Variants in IL1RAPL1 observed in about 807,000 individuals in gnomAD.
IL1RAPL1 encodes interleukin 1 receptor accessory protein like 1.
A neutral mutation model predicts 48.4 loss-of-function variants in IL1RAPL1; 3 were observed. That is an observed-to-expected ratio of 0.06 (90% confidence interval 0.03 to 0.16). The LOEUF is 0.16. Ranked by LOEUF, IL1RAPL1 falls within the 10% of genes least tolerant of loss-of-function variation. The pLI is 1.00. For missense variants in IL1RAPL1, 349 were observed against 530.6 expected (o/e 0.66, Z 3.36); for synonymous variants, 185 against 187.7 (o/e 0.99, Z 0.12).
chrX:29,633,478 C>T (rs1466620248), intron 5 of IL1RAPL1, among the ~76,000 whole-genome samples: 3 of 107,813 alleles, frequency 2.8e-5, no homozygotes, highest in African/African-American at 1.0e-4. Flanking sequence ...TACACACACA[C>T]ACACACACAC....
At chrX:29,098,229 T>G (rs963278082) in intron 2 of IL1RAPL1, among the ~76,000 whole-genome samples, 1 of 111,267 alleles carries the variant, frequency 9.0e-6, no homozygotes, top group Non-Finnish European at 1.9e-5. Flanking sequence ...GCTCTATTCC[T>G]TTTGATGTCC....
intron 2 of IL1RAPL1, among the ~76,000 whole-genome samples, chrX:28,872,806 G>C (rs904604035): frequency 8.9e-6 from 1 of 112,259 alleles, no homozygotes; most frequent in Admixed American, 9.4e-5. Flanking sequence ...TTTTGTAGTA[G>C]AGACTTTGGG....
intron 8 of IL1RAPL1, among the ~76,000 whole-genome samples, chrX:29,927,287 G>C (rs1288757243): frequency 8.9e-6 from 1 of 112,229 alleles, no homozygotes; most frequent in African/African-American, 3.2e-5. Flanking sequence ...GCCTCTAATA[G>C]GTAAAGAGAA....
At chrX:29,090,018 G>A (rs760479444) in intron 2 of IL1RAPL1, among the ~76,000 whole-genome samples, 280 of 106,604 alleles carry the variant, frequency 2.6e-3, no homozygotes, top group African/African-American at 9.2e-3. Flanking sequence ...GGTGTCAACA[G>A]AACCGGTCAC....
At chrX:28,898,293 T>A (rs1264763709) in intron 2 of IL1RAPL1, among the ~76,000 whole-genome samples, 4 of 112,021 alleles carry the variant, frequency 3.6e-5, no homozygotes, top group Non-Finnish European at 7.5e-5. Context: ...ATATATCTAT[T>A]TTTTGTCTTT....
rs749183446 is a variant in IL1RAPL1, at chrX:29,906,291, C to T, written c.779-11173C>T. ...CGGAGCTTGCAGTGAGCCCAGATCG[C>T]GCCACTGCACTCCAGCCTGGGTGAT... is the stretch of plus-strand genomic sequence containing the variant. On this transcript the variant is annotated intron_variant, in intron 6 of 10. Coordinates refer to ENST00000378993, the MANE Select transcript of IL1RAPL1 (RefSeq NM_014271.4). 4.7e-3 allele frequency among the ~76,000 whole-genome samples: 478 copies of T among 101,236 alleles called. 5 individuals carry two copies. The highest frequency in any genetic ancestry group is 0.017 in the African/African-American group (461 of 27,730). The allele number at this position is 101,236 out of a possible 115,157, so 87.9% of individuals were successfully genotyped here.
intron 1 of IL1RAPL1, among the ~76,000 whole-genome samples, chrX:28,651,629 A>G (rs968247157): frequency 3.6e-5 from 4 of 112,405 alleles, no homozygotes; most frequent in African/African-American, 1.3e-4. Context: ...CTATGTTATA[A>G]AATCGATTTA....
chrX:29,045,471 AAC>A (rs1235660871), intron 2 of IL1RAPL1, among the ~76,000 whole-genome samples: 1 of 111,556 alleles, frequency 9.0e-6, no homozygotes, highest in East Asian at 2.8e-4. Context: ...TTCATTTGGA[AAC>A]ACATTTTTTT....
intron 2 of IL1RAPL1, among the ~76,000 whole-genome samples, chrX:28,838,997 A>G (rs1338744603): frequency 9.0e-6 from 1 of 111,300 alleles, no homozygotes; most frequent in Non-Finnish European, 1.9e-5. Flanking sequence ...ATGGCACTAC[A>G]TAATCCTGCA....
At chrX:28,627,862 C>G (rs1601839353) in intron 1 of IL1RAPL1, among the ~76,000 whole-genome samples, 1 of 104,990 alleles carries the variant, frequency 9.5e-6, no homozygotes, top group African/African-American at 3.4e-5. Flanking sequence ...CATTTTCTTT[C>G]TTTTTTTTTT....
intron 3 of IL1RAPL1, among the ~76,000 whole-genome samples, chrX:29,295,418 T>C (rs920065706): frequency 1.8e-5 from 2 of 111,930 alleles, no homozygotes; most frequent in South Asian, 7.5e-4. Flanking sequence ...GGTTCTCTGA[T>C]GGTCTGCTTA....
chrX:29,749,334 T>G (rs923727943), intron 6 of IL1RAPL1, among the ~76,000 whole-genome samples: 5 of 112,436 alleles, frequency 4.4e-5, no homozygotes, highest in African/African-American at 1.6e-4. Context: ...AGTGTGGAAC[T>G]GAAACATTAT....
intron 5 of IL1RAPL1, among the ~76,000 whole-genome samples, chrX:29,493,770 G>A (rs887545723): frequency 4.5e-5 from 5 of 111,307 alleles, no homozygotes; most frequent in African/African-American, 1.6e-4. Context: ...GAATGATCCC[G>A]TCACCCAAGT....
intron 3 of IL1RAPL1, among the ~76,000 whole-genome samples, chrX:29,309,551 G>A (rs1448374924): frequency 5.3e-5 from 6 of 112,361 alleles, no homozygotes; most frequent in African/African-American, 1.9e-4. Context: ...AGTGGCTCAC[G>A]CCTGTAATCC....
chrX:29,923,812 A>G (rs1932864880), intron 8 of IL1RAPL1, among the ~76,000 whole-genome samples: 1 of 111,789 alleles, frequency 8.9e-6, no homozygotes, highest in Non-Finnish European at 1.9e-5. Flanking sequence ...GTCCAGGTAG[A>G]TACCTAGAAG....
At chrX:29,411,926 A>C (rs921607406) in intron 5 of IL1RAPL1, among the ~76,000 whole-genome samples, 3 of 111,200 alleles carry the variant, frequency 2.7e-5, no homozygotes, top group Non-Finnish European at 5.6e-5. Flanking sequence ...AATTCTAACA[A>C]ACTCAATTTT....
chrX:29,402,863 A>AT (rs991736036), intron 5 of IL1RAPL1, among the ~76,000 whole-genome samples: 1 of 109,927 alleles, frequency 9.1e-6, no homozygotes, highest in African/African-American at 3.3e-5. Flanking sequence ...TTTTTCTGAG[A>AT]TTTTTTCATG....
chrX:29,282,740 ATTGT>A (rs1225705112), intron 2 of IL1RAPL1, among the ~76,000 whole-genome samples, 194 bp from the exon 3 acceptor site: 2 of 112,184 alleles, frequency 1.8e-5, no homozygotes, highest in African/African-American at 6.5e-5. Flanking sequence ...TGAAGAATAT[ATTGT>A]TTGTTAGCAG....
chrX:29,185,913 A>G (rs1220169185), intron 2 of IL1RAPL1, among the ~76,000 whole-genome samples: 3 of 111,357 alleles, frequency 2.7e-5, no homozygotes, highest in African/African-American at 9.8e-5. Context: ...ATAAAGAGGT[A>G]TTCTAGGCAA....
Sources: gnomAD v4.1 joint callset for allele counts (sites outside exome capture counted in the v4.1 genomes callset) on GRCh38, gnomAD v4.1.1 for gene constraint, MANE v1.5 for transcripts, NCBI Gene and HGNC (gene_info 2026-07-23, HGNC 2026-07-21) for gene names.